Variants in GPHN observed in about 807,000 individuals in gnomAD.
The protein encoded by GPHN is gephyrin.
GPHN carries 17 observed loss-of-function variants against 95.5 expected under a neutral mutation model. That is an observed-to-expected ratio of 0.18 (90% CI 0.12 to 0.27). The LOEUF is 0.27. GPHN is among the 10% of genes least tolerant of loss of function. GPHN has a pLI of 1.00. For missense variants in GPHN, 660 were observed against 978.1 expected (o/e 0.67, Z 4.34); for synonymous variants, 320 against 322.5 (o/e 0.99, Z 0.08).
intron 1 of GPHN, among the ~76,000 whole-genome samples, chr14:66,548,422 C>T (rs2059687253): frequency 1.3e-5 from 2 of 152,044 alleles, no homozygotes; most frequent in African/African-American, 4.8e-5. Context: ...CTCAGATGAT[C>T]CACCTGCCTC....
intron 9 of GPHN, among the ~76,000 whole-genome samples, chr14:66,977,157 C>T (rs1184025625): frequency 6.6e-6 from 1 of 152,096 alleles, no homozygotes; most frequent in East Asian, 1.9e-4. Flanking sequence ...ACAGGCCGGG[C>T]GCGGTGGCTC....
chr14:66,581,666 G>T (rs1310200302), intron 1 of GPHN, among the ~76,000 whole-genome samples: 1 of 151,846 alleles, frequency 6.6e-6, no homozygotes, highest in East Asian at 1.9e-4. Context: ...TCACCTTTAA[G>T]GGCACATACA....
chr14:66,894,731 T>C (rs1467278543), intron 5 of GPHN, among the ~76,000 whole-genome samples: 2 of 152,176 alleles, frequency 1.3e-5, no homozygotes, highest in South Asian at 2.1e-4. Flanking sequence ...AGAAGACATT[T>C]ATGCAGCCAA....
intron 1 of GPHN, among the ~76,000 whole-genome samples, chr14:66,620,332 C>G (rs1366478543): frequency 6.6e-6 from 1 of 152,062 alleles, no homozygotes; most frequent in African/African-American, 2.4e-5. Flanking sequence ...AAAGACATAC[C>G]TGAGACTGGG....
intron 10 of GPHN, among the ~76,000 whole-genome samples, chr14:67,045,593 GTCTC>G (rs749548318): frequency 6.9e-6 from 1 of 145,756 alleles, no homozygotes; most frequent in Non-Finnish European, 1.5e-5. Context: ...GTGTCTGTCT[GTCTC>G]TCTGTCTCTG....
the GPHN span, chr14:67,347,515 T>TG: frequency 2.1e-6 from 3 of 1,443,526 alleles, no homozygotes; most frequent in South Asian, 2.5e-5. Flanking sequence ...TTTTTTTTTT[T>TG]TCTGAGACGG....
At chr14:67,120,792 CT>C (rs1207994300) in intron 16 of GPHN, among the ~76,000 whole-genome samples, 1 of 152,172 alleles carries the variant, frequency 6.6e-6, no homozygotes, top group East Asian at 1.9e-4. Context: ...TTTCCAAGTA[CT>C]GCCAGGGAGT....
intron 9 of GPHN, among the ~76,000 whole-genome samples, chr14:66,970,447 T>C (rs1567165463): frequency 6.6e-6 from 1 of 152,208 alleles, no homozygotes; most frequent in Non-Finnish European, 1.5e-5. Flanking sequence ...TTCTCTGGGA[T>C]GTTTTCCTAG....
chr14:66,558,114 T>C (rs1174265438), intron 1 of GPHN, among the ~76,000 whole-genome samples: 2 of 152,162 alleles, frequency 1.3e-5, no homozygotes, highest in Non-Finnish European at 2.9e-5. Flanking sequence ...AAAATGATTT[T>C]TTTCCTAAAA....
At chr14:67,620,335 C>T in the GPHN span, among the ~76,000 whole-genome samples, 209 of 152,022 alleles carry the variant, frequency 1.4e-3, no homozygotes, top group Admixed American at 2.4e-3. Context: ...GTTTCTGCGG[C>T]CTCCCCAGAA....
chr14:67,325,305 T>C, the GPHN span, among the ~76,000 whole-genome samples: 1 of 152,240 alleles, frequency 6.6e-6, no homozygotes, highest in African/African-American at 2.4e-5. Context: ...TAACATTTCT[T>C]AATCTATATG....
At chr14:67,198,225 C>T in the GPHN span, 1 of 1,613,936 alleles carries the variant, frequency 6.2e-7, no homozygotes, top group Non-Finnish European at 8.5e-7. Flanking sequence ...CTGCACCCCA[C>T]ACTCCCATGA....
intron 4 of GPHN, among the ~76,000 whole-genome samples, chr14:66,860,752 G>A (rs1330094998): frequency 2.0e-5 from 3 of 151,980 alleles, no homozygotes; most frequent in African/African-American, 4.8e-5. Context: ...CAATTAAAGT[G>A]TAGCATTTTT....
chr14:66,543,645 A>C (rs2059430760), intron 1 of GPHN, among the ~76,000 whole-genome samples: 1 of 152,174 alleles, frequency 6.6e-6, no homozygotes, highest in Admixed American at 6.5e-5. Context: ...CTCTTCCTAG[A>C]GTATTTGTCA....
At chr14:67,220,979 T>C in the GPHN span, among the ~76,000 whole-genome samples, 4 of 152,208 alleles carry the variant, frequency 2.6e-5, no homozygotes, top group Non-Finnish European at 4.4e-5. Context: ...AACTATTTGT[T>C]TTATTCAATA....
chr14:67,574,500 G>A, the GPHN span: 1 of 1,002,210 alleles, frequency 1.0e-6, no homozygotes, highest in Non-Finnish European at 1.4e-6. This position sits in a 1 kb window ranked among gnomAD's most constrained non-coding sequence, Gnocchi z 4.2. Flanking sequence ...CCCTTATACG[G>A]GGCTCCTTTC....
intron 17 of GPHN, among the ~76,000 whole-genome samples, chr14:67,123,802 T>C (rs547049839): frequency 1.1e-3 from 169 of 152,138 alleles, no homozygotes; most frequent in African/African-American, 3.9e-3. Flanking sequence ...TATGAGATTT[T>C]TTTGCGATTT....
chr14:67,386,147 C>T, the GPHN span: 1 of 152,494 alleles, frequency 6.6e-6, no homozygotes, highest in South Asian at 2.1e-4. Flanking sequence ...GAACACCTAT[C>T]GATATTCAAA....
chr14:67,526,967 T>C, the GPHN span, among the ~76,000 whole-genome samples: 1 of 152,104 alleles, frequency 6.6e-6, no homozygotes, highest in African/African-American at 2.4e-5. Flanking sequence ...AGGGAGATAA[T>C]AGACCTATTG....
Sources: gnomAD v4.1 joint callset for allele counts (sites outside exome capture counted in the v4.1 genomes callset) on GRCh38, gnomAD v4.1.1 for gene constraint, Gnocchi (gnomAD v3.1) non-coding constraint, MANE v1.5 for transcripts, NCBI Gene and HGNC (gene_info 2026-07-23, HGNC 2026-07-21) for gene names.